The following KIRREL3 variants were observed in gnomAD, a reference collection of about 807,000 sequenced individuals.
KIRREL3 encodes the protein kin of IRRE-like protein 3.
KIRREL3 carries 36 observed loss-of-function variants against 89.7 expected under a neutral mutation model. That is an observed-to-expected ratio of 0.40 (90% CI 0.31 to 0.53). The LOEUF (loss-of-function observed/expected upper bound fraction) is 0.53, where lower values mean the gene tolerates loss of function less well. KIRREL3 is among the 20% of genes least tolerant of loss of function. The probability of loss-of-function intolerance (pLI) is 0.49; values close to 1 mark genes in which losing one functional copy is unlikely to be tolerated. For missense variants in KIRREL3, 864 were observed against 1,056.6 expected, an observed-to-expected ratio of 0.82 and a Z score of 2.53; for synonymous variants, 445 against 441.4, an observed-to-expected ratio of 1.01 and a Z score of -0.10.
rs535548745 is a variant in KIRREL3, at chr11:126,970,115, C to T, written c.55+30340G>A. 2.0e-5 allele frequency among the ~76,000 whole-genome samples: 3 copies of T among 152,310 alleles called. No homozygotes were observed. The highest frequency in any genetic ancestry group is 1.5e-5 in the Non-Finnish European group (1 of 68,020). On this transcript the variant is annotated intron_variant, in intron 1 of 16. Coordinates refer to ENST00000525144, the MANE Select transcript of KIRREL3 (RefSeq NM_032531.4). The surrounding 1 kb of genome is among the most constrained non-coding windows in gnomAD (Gnocchi z 4.4). ...GAACAGGAAAATGCAGCCTCTCTAC[C>T]ACTGCCCCTGCCCCCTCAGGGATAT... is the stretch of plus-strand genomic sequence containing the variant.
In KIRREL3 at chr11:126,989,300, C is replaced by T. The variant is rs979597635; in HGVS notation, c.55+11155G>A. ...GAAGACAGCAATCCTGCCTTCAGCC[C>T]AACTCCACTGCCCAGAAAGGCTGGC... On this transcript the variant is annotated intron_variant, in intron 1 of 16. Coordinates refer to ENST00000525144, the MANE Select transcript of KIRREL3 (RefSeq NM_032531.4). The surrounding 1 kb of genome is among the most constrained non-coding windows in gnomAD (Gnocchi z 6.2). Among the ~76,000 whole-genome samples the T allele has an allele frequency of 6.6e-6, 1 of 152,196 alleles. No homozygotes were observed. Among genetic ancestry groups the T allele is most frequent in the African/African-American group, 2.4e-5 (1 of 41,432 alleles).
intron 1 of KIRREL3, among the ~76,000 whole-genome samples, chr11:126,829,964 G>T (rs1252523290): frequency 1.3e-5 from 2 of 152,166 alleles, no homozygotes; most frequent in African/African-American, 4.8e-5. Context: ...TCTTTCCACA[G>T]TTATTTCTCT....
chr11:126,494,000 A>G (rs902498428), intron 4 of KIRREL3, among the ~76,000 whole-genome samples: 2 of 152,160 alleles, frequency 1.3e-5, no homozygotes, highest in Admixed American at 1.3e-4. Flanking sequence ...TGTACTCAAA[A>G]CCCCAGTAAT....
At chr11:126,452,011 A>T (rs1956195157) in intron 7 of KIRREL3, among the ~76,000 whole-genome samples, 1 of 151,988 alleles carries the variant, frequency 6.6e-6, no homozygotes, top group Non-Finnish European at 1.5e-5. Context: ...CTTTCCTGGC[A>T]CCACAAACGC....
intron 4 of KIRREL3, among the ~76,000 whole-genome samples, chr11:126,509,683 G>A (rs1019581762): frequency 9.9e-5 from 15 of 152,180 alleles, no homozygotes; most frequent in Non-Finnish European, 1.9e-4. Flanking sequence ...TGCCACCACA[G>A]AGGCACCAAC....
intron 1 of KIRREL3, among the ~76,000 whole-genome samples, chr11:126,595,469 G>A (rs1211782374): frequency 6.6e-6 from 1 of 152,200 alleles, no homozygotes; most frequent in East Asian, 1.9e-4. Flanking sequence ...CCCTTATCAA[G>A]GTCTTCCTCA....
chr11:126,430,999 G>T lies in KIRREL3; in HGVS notation c.1696+420C>A. On this transcript the variant is annotated intron_variant, in intron 14 of 16. Coordinates refer to ENST00000525144, the MANE Select transcript of KIRREL3 (RefSeq NM_032531.4). The surrounding 1 kb of genome is among the most constrained non-coding windows in gnomAD (Gnocchi z 6.6). ...CCCACCCACTCCCCCACAGCTGTGT[G>T]AGTGACCTGCTTTTCTGGTGAGACT... is the stretch of plus-strand genomic sequence containing the variant. 8.9e-7 allele frequency: 1 copy of T among 1,128,532 alleles called. No individual in the cohort carries two copies. Among genetic ancestry groups the T allele is most frequent in the Non-Finnish European group, 1.1e-6 (1 of 921,446 alleles). 69.9% of individuals were successfully genotyped at this position (1,128,532 alleles called of 1,614,324 possible). A position where few individuals can be genotyped will look rare whatever the true frequency, so the allele number is the denominator to read the frequency against.
chr11:126,466,368 G>T (rs1341609829), intron 5 of KIRREL3, among the ~76,000 whole-genome samples: 1 of 152,236 alleles, frequency 6.6e-6, no homozygotes, highest in African/African-American at 2.4e-5. Flanking sequence ...CCCCTAGCTC[G>T]CGGGGGACCC....
At chr11:126,930,109 A>T (rs1947883985) in intron 1 of KIRREL3, among the ~76,000 whole-genome samples, 1 of 152,150 alleles carries the variant, frequency 6.6e-6, no homozygotes, top group Non-Finnish European at 1.5e-5. Flanking sequence ...GTGCTTAAAA[A>T]AAAAAAACTC....
rs1450868970 is a variant in KIRREL3, at chr11:126,640,218, A to AT, written c.56-77307dup. ...TGAGTGGTCCCCGAGAGCTTCTGTC[A>AT]TTTGTAGAGTGGAAACTGACCCACC... On this transcript the variant is annotated intron_variant, in intron 1 of 16. Transcript: ENST00000525144. The surrounding 1 kb of genome is among the most constrained non-coding windows in gnomAD (Gnocchi z 4.9). Among the ~76,000 whole-genome samples, 4 of 152,090 alleles carry AT rather than the reference A, an allele frequency of 2.6e-5. No individual in the cohort carries two copies. Among genetic ancestry groups the AT allele is most frequent in the Admixed American group, 1.3e-4 (2 of 15,278 alleles).
In KIRREL3 at chr11:126,508,845, A is replaced by G. The variant is rs1958109946; in HGVS notation, c.433+12470T>C. Among the ~76,000 whole-genome samples, 1 of 152,138 alleles carries G rather than the reference A, an allele frequency of 6.6e-6. No homozygotes were observed. The highest frequency in any genetic ancestry group is 1.5e-5 in the Non-Finnish European group (1 of 68,018). On this transcript the variant is annotated intron_variant, in intron 4 of 16. Transcript: ENST00000525144. This position sits in a 1 kb window ranked among gnomAD's most constrained non-coding sequence, Gnocchi z 4.9. ...GTCAGAGGGCAGATGAAGGCATGCGAGTGGGTTCCTCAGCACAGTGCCTGT... is the reference window on the plus strand; with the variant it reads ...GTCAGAGGGCAGATGAAGGCATGCGGGTGGGTTCCTCAGCACAGTGCCTGT...
At position 126,622,646 on chromosome 11, in the gene KIRREL3, G is replaced by A. The variant is rs1006893472; in HGVS notation, c.56-59734C>T. On this transcript the variant is annotated intron_variant, in intron 1 of 16. Coordinates refer to ENST00000525144, the MANE Select transcript of KIRREL3 (RefSeq NM_032531.4). The surrounding 1 kb of genome is among the most constrained non-coding windows in gnomAD (Gnocchi z 5.2). ...GGAGGTTGCAGTGAGCTGAGATCAC[G>A]CCAGTGCACTCCAGCCTGGGCGACA... Among the ~76,000 whole-genome samples the A allele has an allele frequency of 2.6e-5, 4 of 152,112 alleles. No homozygotes were observed. Among genetic ancestry groups the A allele is most frequent in the African/African-American group, 7.2e-5 (3 of 41,392 alleles).
At position 126,501,296 on chromosome 11, in the gene KIRREL3, G is replaced by A. The variant is rs959409513; in HGVS notation, c.433+20019C>T. On this transcript the variant is annotated intron_variant, in intron 4 of 16. Transcript: ENST00000525144. The surrounding 1 kb of genome is among the most constrained non-coding windows in gnomAD (Gnocchi z 5.8). ...TGGCCCTAGCTTGAACGCCTCGGTT[G>A]TAGTTCTAAAGCCTATTCATTTCCT... is the stretch of plus-strand genomic sequence containing the variant. Among the ~76,000 whole-genome samples the A allele has an allele frequency of 6.6e-6, 1 of 152,228 alleles. No individual in the cohort carries two copies. Among genetic ancestry groups the A allele is most frequent in the Non-Finnish European group, 1.5e-5 (1 of 68,050 alleles).
Position 126,779,260 on chromosome 11 carries a change from C to T in KIRREL3, c.56-216348G>A, listed in dbSNP as rs141804371. Among the ~76,000 whole-genome samples the T allele has an allele frequency of 1.0e-3, 159 of 152,304 alleles. 1 individual carries two copies. Among genetic ancestry groups the T allele is most frequent in the Middle Eastern group, 3.4e-3 (1 of 294 alleles). ...ATTCCCTGAGATCCCACAGCTTTAT[C>T]CCCGACAGATCTCACCTCTCCCAGC... On this transcript the variant is annotated intron_variant, in intron 1 of 16. Transcript: ENST00000525144.
chr11:126,842,651 G>C (rs566115454), intron 1 of KIRREL3, among the ~76,000 whole-genome samples: 2 of 152,330 alleles, frequency 1.3e-5, no homozygotes, highest in Non-Finnish European at 2.9e-5. Context: ...GCCTACACGT[G>C]TTGGTTTATA....
chr11:126,564,509 G>C lies in KIRREL3; in HGVS notation c.56-1597C>G, dbSNP rs1356721250. ...CAGTAAAGAGCAGAGAAGCAGATCT[G>C]AGGGCACTGTTTCCAAAGGCACTCA... On this transcript the variant is annotated intron_variant, in intron 1 of 16. Coordinates refer to ENST00000525144, the MANE Select transcript of KIRREL3 (RefSeq NM_032531.4). This position sits in a 1 kb window ranked among gnomAD's most constrained non-coding sequence, Gnocchi z 7.4. 6.6e-6 allele frequency among the ~76,000 whole-genome samples: 1 copy of C among 152,186 alleles called. No homozygotes were observed. Among genetic ancestry groups the C allele is most frequent in the Admixed American group, 6.5e-5 (1 of 15,290 alleles).
In KIRREL3 at chr11:126,471,251, TC is replaced by T. The variant is rs1391562816; in HGVS notation, c.591+2057del. ...TGGGCATGATGGCACACGCCTGCAA[TC>T]CCAGCTATTCTGGAGGCTGAGGCAG... On this transcript the variant is annotated intron_variant, in intron 5 of 16. Transcript: ENST00000525144. The surrounding 1 kb of genome is among the most constrained non-coding windows in gnomAD (Gnocchi z 5.4). Among the ~76,000 whole-genome samples, 5 of 152,012 alleles carry T rather than the reference TC, an allele frequency of 3.3e-5. No individual in the cohort carries two copies. Among genetic ancestry groups the T allele is most frequent in the Non-Finnish European group, 7.4e-5 (5 of 68,012 alleles).
chr11:126,988,776 C>T (rs1949942523), intron 1 of KIRREL3, among the ~76,000 whole-genome samples: 1 of 152,202 alleles, frequency 6.6e-6, no homozygotes, highest in African/African-American at 2.4e-5. Flanking sequence ...GGAATGCATG[C>T]AAAACTCAGC....
intron 7 of KIRREL3, among the ~76,000 whole-genome samples, chr11:126,451,399 CAT>C (rs1956147596): frequency 4.5e-4 from 33 of 73,436 alleles, no homozygotes; most frequent in African/African-American, 1.7e-3. Context: ...TGAACGTGTG[CAT>C]GTGTGCATGT....
Sources: allele counts gnomAD v4.1 joint callset (sites outside exome capture counted in the v4.1 genomes callset), GRCh38; gene constraint gnomAD v4.1.1; non-coding constraint Gnocchi (gnomAD v3.1); transcripts MANE v1.5; gene names NCBI Gene and HGNC (gene_info 2026-07-23, HGNC 2026-07-21).